The following ZNF625 variants were observed in gnomAD, a reference collection of about 807,000 sequenced individuals.
ZNF625 encodes the protein zinc finger protein 625.
In ZNF625, 8 loss-of-function variants were observed where a neutral mutation model predicts 11.1. That is an observed-to-expected ratio of 0.72 (90% confidence interval 0.42 to 1.30). The LOEUF (loss-of-function observed/expected upper bound fraction) is 1.30, where lower values mean the gene tolerates loss of function less well. Ranked by LOEUF, ZNF625 falls within the 50% of genes most tolerant of loss-of-function variation. The pLI is 0.01. For synonymous variants in ZNF625, 145 were observed against 153.4 expected (o/e 0.95, Z 0.41); for missense variants, 349 against 447.6 (o/e 0.78, Z 1.99).
chr19:12,146,526 C>T (rs1465268384), intron 3 of ZNF625, among the ~76,000 whole-genome samples: 1 of 152,202 alleles, frequency 6.6e-6, no homozygotes, highest in South Asian at 2.1e-4. Context: ...CTCCATCTCC[C>T]GATCTGAAGC....
intron 1 of ZNF625, among the ~76,000 whole-genome samples, 199 bp downstream of exon 1, chr19:12,156,357 G>A (rs1390582318): frequency 6.6e-6 from 1 of 152,220 alleles, no homozygotes; most frequent in Non-Finnish European, 1.5e-5. Flanking sequence ...CGCAGAGACG[G>A]GACAGGACGC....
chr19:12,145,553 T>C lies in ZNF625; in HGVS notation c.863A>G (p.Asn288Ser). 1 of 1,607,582 alleles carries C rather than the reference T, an allele frequency of 6.2e-7. No individual in the cohort carries two copies. The highest frequency in any genetic ancestry group is 8.5e-7 in the Non-Finnish European group (1 of 1,174,454). Reference sequence around the variant, plus strand: ...AGTTCTTTCATGATATCGAACGGAATTGAAAGAAACAAAGGCTTTCCCACA... The same window carrying C: ...AGTTCTTTCATGATATCGAACGGAACTGAAAGAAACAAAGGCTTTCCCACA... ...KQCGKAFVSF[N>S]SVRYHERTHT... is the part of the protein sequence containing the mutation. Residue 288 changes from asparagine to serine, a missense_variant, in exon 4 of 4, where the codon AAT becomes AGT. Physicochemically the swap from Asn to Ser is conservative, Grantham distance 46 (BLOSUM62 1). Transcript: ENST00000439556.
At chr19:12,155,961 C>T (rs1190438303) in intron 1 of ZNF625, among the ~76,000 whole-genome samples, 1 of 152,120 alleles carries the variant, frequency 6.6e-6, no homozygotes, top group Non-Finnish European at 1.5e-5. Flanking sequence ...AGCGATCCTC[C>T]CACCTCAGCC....
intron 1 of ZNF625, among the ~76,000 whole-genome samples, chr19:12,152,750 G>A (rs555253231): frequency 5.3e-5 from 8 of 151,622 alleles, no homozygotes; most frequent in Non-Finnish European, 1.0e-4. Flanking sequence ...GCTGAGGTAG[G>A]AGAATCGCTT....
intron 3 of ZNF625, among the ~76,000 whole-genome samples, chr19:12,146,527 G>A (rs190160395): frequency 1.2e-4 from 19 of 152,188 alleles, no homozygotes; most frequent in Admixed American, 1.0e-3. Context: ...TCCATCTCCC[G>A]ATCTGAAGCC....
rs1012487721 is a variant in ZNF625, at chr19:12,147,462, T to C, written c.131-7A>G. 6.5e-7 allele frequency: 1 copy of C among 1,530,520 alleles called. No homozygotes were observed. The highest frequency in any genetic ancestry group is 8.7e-7 in the Non-Finnish European group (1 of 1,143,506). 94.8% of individuals were successfully genotyped at this position (1,530,520 alleles called of 1,614,324 possible). On this transcript the variant is annotated splice_region_variant and splice_polypyrimidine_tract_variant and intron_variant, in intron 2 of 3. Coordinates refer to ENST00000439556, the MANE Select transcript of ZNF625 (RefSeq NM_145233.4). ...TGATCTTTCCATTTTTTTCCTAAAATACAGAACCAGAAAAATAGTCCTGAA... is the reference window on the plus strand; with the variant it reads ...TGATCTTTCCATTTTTTTCCTAAAACACAGAACCAGAAAAATAGTCCTGAA...
In ZNF625 at chr19:12,156,537, C is replaced by A; in HGVS notation, c.3+19G>T. The A allele has an allele frequency of 7.0e-7, 1 of 1,430,466 alleles. No homozygotes were observed. Among genetic ancestry groups the A allele is most frequent in the East Asian group, 2.8e-5 (1 of 36,274 alleles). The allele number at this position is 1,430,466 out of a possible 1,614,324, so 88.6% of individuals were successfully genotyped here. ...CCGGCCCCTCCCCCGTCTCGGGACCCCCGGCCCCGCACACTCACCATTTCC... is the reference window on the plus strand; with the variant it reads ...CCGGCCCCTCCCCCGTCTCGGGACCACCGGCCCCGCACACTCACCATTTCC... On this transcript the variant is annotated intron_variant, in intron 1 of 3. Transcript: ENST00000439556.
chr19:12,147,298 G>A, intron 3 of ZNF625, 97 bp downstream of exon 3: 1 of 1,133,694 alleles, frequency 8.8e-7, no homozygotes, highest in South Asian at 1.4e-5. Context: ...TAAATACAGT[G>A]GAACTTGGCT....
At chr19:12,147,896 A>G in intron 1 of ZNF625, 94 bp from the exon 2 acceptor site, 1 of 1,455,942 alleles carries the variant, frequency 6.9e-7, no homozygotes, top group Non-Finnish European at 9.2e-7. Flanking sequence ...GGTGCTATGG[A>G]CTCCAAACAT....
intron 1 of ZNF625, 119 bp downstream of exon 1, chr19:12,156,437 G>T: frequency 1.3e-6 from 1 of 798,048 alleles, no homozygotes; most frequent in Non-Finnish European, 1.7e-6. Context: ...TACGCCAGGG[G>T]GACTCCGCTC....
rs1334975319 is a variant in ZNF625 at position 12,148,169 on chromosome 19, G to A, written c.4-367C>T. Among the ~76,000 whole-genome samples, 3 of 151,996 alleles carry A rather than the reference G, an allele frequency of 2.0e-5. No individual in the cohort carries two copies. The East Asian group carries it at 5.8e-4, about 29-fold the overall frequency. On this transcript the variant is annotated intron_variant, in intron 1 of 3. Coordinates refer to ENST00000439556, the MANE Select transcript of ZNF625 (RefSeq NM_145233.4). ...TAATTTTTGTATTTTTAGTAGAGATGGGGTTTTACCATGTTGGCCAGACTG... is the reference window on the plus strand; with the variant it reads ...TAATTTTTGTATTTTTAGTAGAGATAGGGTTTTACCATGTTGGCCAGACTG...
At position 12,146,970 on chromosome 19, in the gene ZNF625, A is replaced by ATTTTTTTTTTTTTTTTTT. The variant is rs934558893; in HGVS notation, c.191+424_191+425insAAAAAAAAAAAAAAAAAA. Among the ~76,000 whole-genome samples the ATTTTTTTTTTTTTTTTTT allele has an allele frequency of 6.6e-4, 86 of 130,840 alleles. 5 individuals are homozygous for ATTTTTTTTTTTTTTTTTT. The highest frequency in any genetic ancestry group is 1.7e-3 in the African/African-American group (57 of 33,110). The allele number at this position is 130,840 out of a possible 152,430, so 85.8% of individuals were successfully genotyped here. On this transcript the variant is annotated intron_variant, in intron 3 of 3. Coordinates refer to ENST00000439556, the MANE Select transcript of ZNF625 (RefSeq NM_145233.4). Reference sequence around the variant, plus strand: ...CACACTTAAATATATGTTTTTAGAGATTTTTTTTTTTTTTGAGACGGAGTC... The same window carrying ATTTTTTTTTTTTTTTTTT: ...CACACTTAAATATATGTTTTTAGAGATTTTTTTTTTTTTTTTTTTTTTTTTTTTTTTTGAGACGGAGTC...
rs540700612 is a variant in ZNF625 at position 12,149,733 on chromosome 19, C to T, written c.4-1931G>A. 2.2e-4 allele frequency among the ~76,000 whole-genome samples: 34 copies of T among 151,870 alleles called. No homozygotes were observed. In the East Asian group the frequency reaches 5.2e-3, roughly 23 times the overall value. On this transcript the variant is annotated intron_variant, in intron 1 of 3. Transcript: ENST00000439556. ...AAAGGGTTCAACATCAGGAATCATT[C>T]GGCAGAAGTATTTTTTTTTTTTTCA...
Position 12,145,992 on chromosome 19 carries a change from T to C in ZNF625, c.424A>G (p.Lys142Glu). Residue 142 changes from lysine to glutamate, a missense_variant, in exon 4 of 4, where the codon AAA becomes GAA. Lys to Glu is a moderately conservative substitution (Grantham distance 56). Transcript: ENST00000439556. ...AAGTAGGGGAGATCACTGAAGGCTT[T>C]CTTACAGTATGTACATTTATATGGC... is the stretch of plus-strand genomic sequence containing the variant. Reference protein sequence around the residue: ...QKPYKCTYCKKAFSDLPYFRT... With the variant: ...QKPYKCTYCKEAFSDLPYFRT... 1 of 1,614,214 alleles carries C rather than the reference T, an allele frequency of 6.2e-7. No homozygotes were observed. The highest frequency in any genetic ancestry group is 8.5e-7 in the Non-Finnish European group (1 of 1,180,040).
intron 1 of ZNF625, among the ~76,000 whole-genome samples, chr19:12,148,527 A>G (rs1316930878): frequency 6.6e-6 from 1 of 152,140 alleles, no homozygotes; most frequent in Non-Finnish European, 1.5e-5. Flanking sequence ...CCATCAAGAG[A>G]GAAAATGAAC....
chr19:12,146,426 T>A (rs1976874329), intron 3 of ZNF625, among the ~76,000 whole-genome samples: 1 of 151,982 alleles, frequency 6.6e-6, no homozygotes, highest in African/African-American at 2.4e-5. Flanking sequence ...GATATAGGGC[T>A]TCTTAGTACT....
chr19:12,147,194 C>G (rs2145609298), intron 3 of ZNF625, among the ~76,000 whole-genome samples: 1 of 152,224 alleles, frequency 6.6e-6, no homozygotes, highest in Admixed American at 6.5e-5. Context: ...GTTTCGATCT[C>G]CTGACCTCGT....
rs537479304 is a variant in ZNF625 at position 12,151,588 on chromosome 19, C to T, written c.4-3786G>A. 7.9e-5 allele frequency among the ~76,000 whole-genome samples: 12 copies of T among 152,112 alleles called. No individual in the cohort carries two copies. The South Asian group carries it at 1.7e-3, about 21-fold the overall frequency. On this transcript the variant is annotated intron_variant, in intron 1 of 3. Transcript: ENST00000439556. ...TAGAGACGGGGTTTCACCGTGTTAG[C>T]CAAGATGGTCTCGGTCTCCTGACCT...
At chr19:12,146,279 T>C in intron 3 of ZNF625, 55 bp from the exon 4 acceptor site, 1 of 1,494,382 alleles carries the variant, frequency 6.7e-7, no homozygotes, top group South Asian at 1.2e-5. Context: ...GATTTGATAT[T>C]CATTAACAAG....
Sources: allele counts gnomAD v4.1 joint callset (sites outside exome capture counted in the v4.1 genomes callset), GRCh38; gene constraint gnomAD v4.1.1; transcripts MANE v1.5; gene names NCBI Gene and HGNC (gene_info 2026-07-23, HGNC 2026-07-21).